BICD2: variants seen among roughly 807,000 people sequenced by gnomAD.
BICD2 encodes the protein protein bicaudal D homolog 2.
Under a neutral mutation model 72.9 loss-of-function variants are expected in BICD2, and 25 were observed. The observed-to-expected ratio is 0.34, with a 90% confidence interval of 0.25 to 0.48. The LOEUF (loss-of-function observed/expected upper bound fraction) is 0.48. Among genes scored for constraint, BICD2 ranks in the 20% least tolerant of loss-of-function variants. The pLI, the probability that BICD2 is intolerant of heterozygous loss-of-function variation, is 0.99. For missense variants in BICD2, 894 were observed against 1,175.2 expected, an observed-to-expected ratio of 0.76 and a Z score of 3.50; for synonymous variants, 501 against 516.1, an observed-to-expected ratio of 0.97 and a Z score of 0.40.
At chr9:92,741,995 ATTAAC>A (rs920302225) in intron 1 of BICD2, among the ~76,000 whole-genome samples, 3 of 152,234 alleles carry the variant, frequency 2.0e-5, no homozygotes, top group Non-Finnish European at 2.9e-5. Flanking sequence ...ACCCCCAGAT[ATTAAC>A]TTAACTAGAA....
At chr9:92,744,951 T>C (rs950016602) in intron 1 of BICD2, among the ~76,000 whole-genome samples, 5 of 152,224 alleles carry the variant, frequency 3.3e-5, no homozygotes, top group African/African-American at 1.2e-4. Context: ...TTTTACTATA[T>C]GTAATTCTAG....
intron 1 of BICD2, among the ~76,000 whole-genome samples, chr9:92,729,901 G>A (rs993655419): frequency 2.0e-5 from 3 of 152,240 alleles, no homozygotes; most frequent in African/African-American, 7.2e-5. Context: ...GGCTCAGGGA[G>A]GAGACCTTAT....
chr9:92,750,873 G>T (rs1416020120), intron 1 of BICD2, among the ~76,000 whole-genome samples: 1 of 152,146 alleles, frequency 6.6e-6, no homozygotes, highest in Non-Finnish European at 1.5e-5. Context: ...CCTCACTGAA[G>T]GGGATGGGGG....
chr9:92,717,693 C>T, intron 6 of BICD2, 104 bp downstream of exon 6: 1 of 1,413,734 alleles, frequency 7.1e-7, no homozygotes, highest in Non-Finnish European at 9.4e-7. Flanking sequence ...CTAGTCAGGG[C>T]TGCAGGCCTC....
At chr9:92,760,563 G>C (rs1125063) in intron 1 of BICD2, among the ~76,000 whole-genome samples, 41,877 of 152,188 alleles carry the variant, frequency 0.28, 6,887 homozygotes, top group East Asian at 0.76. Context: ...ATGACCCCCT[G>C]CCCCATATTC....
Position 92,720,228 on chromosome 9 carries a change from G to A in BICD2, c.1062+72C>T. 2 of 1,414,496 alleles carry A rather than the reference G, an allele frequency of 1.4e-6. No homozygotes were observed. The highest frequency in any genetic ancestry group is 2.3e-5 in the East Asian group (1 of 43,324). The allele number at this position is 1,414,496 out of a possible 1,614,324, so 87.6% of individuals were successfully genotyped here. ...AAAGTTAACATCAGCAGAGTGTCAG[G>A]TAAGCACTGCTCGGGGAGCCCTGCA... On this transcript the variant is annotated intron_variant, in intron 4 of 6. Transcript: ENST00000356884. This position sits in a 1 kb window ranked among gnomAD's most constrained non-coding sequence, Gnocchi z 5.4.
At position 92,748,620 on chromosome 9, in the gene BICD2, T is replaced by C. The variant is rs571700252; in HGVS notation, c.240+15885A>G. 2.6e-5 allele frequency among the ~76,000 whole-genome samples: 4 copies of C among 152,202 alleles called. No individual in the cohort carries two copies. The East Asian group carries it at 7.7e-4, about 29-fold the overall frequency. ...CCAGTGGGATCCCATGGGTGTTATATGGGAGACCCTACCTCACCATCCCCT... is the reference window on the plus strand; with the variant it reads ...CCAGTGGGATCCCATGGGTGTTATACGGGAGACCCTACCTCACCATCCCCT... On this transcript the variant is annotated intron_variant, in intron 1 of 6. Transcript: ENST00000356884.
rs1853288707 is a variant in BICD2 at position 92,715,439 on chromosome 9, C to T, written c.2283G>A (p.Leu761=). 2.5e-6 allele frequency: 4 copies of T among 1,602,294 alleles called. No homozygotes were observed. Among genetic ancestry groups the T allele is most frequent in the Non-Finnish European group, 3.4e-6 (4 of 1,171,528 alleles). The change falls in exon 7 of 7, where the codon CTG becomes CTA. Residue 761 remains leucine (L), a synonymous_variant. Coordinates refer to ENST00000356884, the MANE Select transcript of BICD2 (RefSeq NM_001003800.2). ...CCGCCAGCTGCCGCTGCATCTCATC[C>T]AGCTGTGTAATGTACTCGTCACACC... The part of the protein sequence containing the change: ...ATRCDEYITQ[L]DEMQRQLAAA...
At chr9:92,754,534 G>T (rs973163901) in intron 1 of BICD2, among the ~76,000 whole-genome samples, 1 of 152,232 alleles carries the variant, frequency 6.6e-6, no homozygotes, top group Non-Finnish European at 1.5e-5. Flanking sequence ...GATCCAATCA[G>T]TGAACAGGGA....
At chr9:92,716,794 G>A (rs868130357) in intron 6 of BICD2, among the ~76,000 whole-genome samples, 2 of 152,356 alleles carry the variant, frequency 1.3e-5, no homozygotes, top group Admixed American at 6.5e-5. Context: ...AGGGAGCCTC[G>A]ATTCCCAGCC....
At chr9:92,721,182 T>C (rs946194267) in intron 3 of BICD2, among the ~76,000 whole-genome samples, 6 of 152,242 alleles carry the variant, frequency 3.9e-5, no homozygotes, top group African/African-American at 1.4e-4. Context: ...TGATTAAAAA[T>C]TCTATAAAGT....
intron 4 of BICD2, 76 bp from the exon 5 acceptor site, chr9:92,719,658 C>T: frequency 1.4e-6 from 2 of 1,432,868 alleles, no homozygotes; most frequent in Non-Finnish European, 1.9e-6. Flanking sequence ...CCAAGATGGC[C>T]TAGTGACATC....
chr9:92,722,777 C>T lies in BICD2; in HGVS notation c.485G>A (p.Arg162His), dbSNP rs761506224. 1.7e-5 allele frequency: 27 copies of T among 1,613,556 alleles called. No individual in the cohort carries two copies. The highest frequency in any genetic ancestry group is 1.3e-4 in the South Asian group (12 of 91,060). ...INQNVEIQRG[R>H]LRDDIKEYKF... is the part of the protein sequence containing the mutation. The stretch of plus-strand genomic sequence containing the variant: ...GTACTCCTTGATGTCATCCCGCAGG[C>T]GGCCACGCTGGATCTCCACATTCTG... The change falls in exon 3 of 7, where the codon CGC (arginine) becomes CAC (histidine). Residue 162 changes from arginine (R) to histidine (H), a missense_variant. Arg to His is a conservative substitution (Grantham distance 29, BLOSUM62 0). Coordinates refer to ENST00000356884, the MANE Select transcript of BICD2 (RefSeq NM_001003800.2).
At chr9:92,749,374 CA>C (rs1412782115) in intron 1 of BICD2, among the ~76,000 whole-genome samples, 8 of 152,332 alleles carry the variant, frequency 5.3e-5, no homozygotes, top group Middle Eastern at 3.4e-3. Context: ...TTTGGAACTG[CA>C]TTTCCCCAAG....
At chr9:92,743,278 A>G (rs10761168) in intron 1 of BICD2, among the ~76,000 whole-genome samples, 102,567 of 151,558 alleles carry the variant, frequency 0.68, 36,358 homozygotes, top group African/African-American at 0.89. Context: ...CTTCAGCCTT[A>G]ACCTCCTGGG....
chr9:92,728,627 G>A (rs1853615032), intron 2 of BICD2, among the ~76,000 whole-genome samples: 1 of 152,232 alleles, frequency 6.6e-6, no homozygotes, highest in East Asian at 1.9e-4. Flanking sequence ...GCACAGTGCA[G>A]GCCCTGAGTG....
At chr9:92,717,743 T>G in intron 6 of BICD2, 54 bp downstream of exon 6, 3 of 1,534,446 alleles carry the variant, frequency 2.0e-6, no homozygotes, top group South Asian at 2.5e-5. Flanking sequence ...CAGAGGCAAG[T>G]GCTGAGGACA....
chr9:92,722,224 C>T (rs755643203), intron 3 of BICD2, among the ~76,000 whole-genome samples: 8 of 152,082 alleles, frequency 5.3e-5, no homozygotes, highest in Non-Finnish European at 8.8e-5. Flanking sequence ...TCTGAGACCC[C>T]ATTAGAGACA....
At chr9:92,753,818 C>T (rs576464298) in intron 1 of BICD2, among the ~76,000 whole-genome samples, 2 of 151,882 alleles carry the variant, frequency 1.3e-5, no homozygotes, top group Non-Finnish European at 2.9e-5. Context: ...GGATTACAGG[C>T]GTGAGCCACC....
Sources: allele counts gnomAD v4.1 joint callset (sites outside exome capture counted in the v4.1 genomes callset), GRCh38; gene constraint gnomAD v4.1.1; non-coding constraint Gnocchi (gnomAD v3.1); transcripts MANE v1.5; gene names NCBI Gene and HGNC (gene_info 2026-07-23, HGNC 2026-07-21).